ATG14: variants seen among roughly 807,000 people sequenced by gnomAD.
ATG14 encodes autophagy related 14.
In ATG14, 35 loss-of-function variants were observed where a neutral mutation model predicts 60.4. That is an observed-to-expected ratio of 0.58 (90% CI 0.44 to 0.77). The LOEUF (loss-of-function observed/expected upper bound fraction) is 0.77, where lower values mean the gene tolerates loss of function less well. Ranked by LOEUF, ATG14 falls within the 30% of genes least tolerant of loss-of-function variation. The probability of loss-of-function intolerance (pLI) is 0.00; values close to 1 mark genes in which losing one functional copy is unlikely to be tolerated. For missense variants in ATG14, 647 were observed against 626.3 expected (o/e 1.03, Z -0.35); for synonymous variants, 234 against 228.8 (o/e 1.02, Z -0.21).
chr14:55,381,023 G>A (rs1885025427), intron 6 of ATG14, among the ~76,000 whole-genome samples: 1 of 151,796 alleles, frequency 6.6e-6, no homozygotes, highest in Non-Finnish European at 1.5e-5. Flanking sequence ...CACCTCTCCA[G>A]AGAGGGCTCT....
At chr14:55,406,074 T>G (rs1885486044) in intron 1 of ATG14, among the ~76,000 whole-genome samples, 1 of 152,166 alleles carries the variant, frequency 6.6e-6, no homozygotes, top group Non-Finnish European at 1.5e-5. Flanking sequence ...TCTGCCAAAC[T>G]CATATTGTCC....
At chr14:55,405,890 G>C (rs755331400) in intron 1 of ATG14, among the ~76,000 whole-genome samples, 11 of 140,442 alleles carry the variant, frequency 7.8e-5, no homozygotes, top group Non-Finnish European at 1.6e-4. Context: ...GTGGGGTGGC[G>C]GGGGGGGCAG....
intron 1 of ATG14, among the ~76,000 whole-genome samples, chr14:55,411,035 C>A (rs1378419969): frequency 6.6e-6 from 1 of 152,160 alleles, no homozygotes; most frequent in African/African-American, 2.4e-5. Context: ...TTCCCAAATT[C>A]CTAAGAATCT....
At chr14:55,370,506 AAAC>A (rs1484986374) in intron 9 of ATG14, among the ~76,000 whole-genome samples, 1 of 152,204 alleles carries the variant, frequency 6.6e-6, no homozygotes, top group Non-Finnish European at 1.5e-5. Flanking sequence ...TTTCAGGAGA[AAAC>A]AATTTTTATT....
In ATG14 at chr14:55,379,487, A is replaced by G. The variant is rs187962396; in HGVS notation, c.995+1086T>C. Among the ~76,000 whole-genome samples, 148 of 152,258 alleles carry G rather than the reference A, an allele frequency of 9.7e-4. 4 individuals are homozygous for G. In the East Asian group the frequency reaches 0.02, roughly 20 times the overall value. ...GGCCTGGGGAGGGACGGAGGTTGCA[A>G]TGAGCTAAAATCGTGCCACTGCACT... On this transcript the variant is annotated intron_variant, in intron 7 of 9. Transcript: ENST00000247178.
intron 1 of ATG14, among the ~76,000 whole-genome samples, chr14:55,401,545 A>T (rs1483657814): frequency 6.6e-6 from 1 of 152,138 alleles, no homozygotes; most frequent in Non-Finnish European, 1.5e-5. Context: ...TTATTCACTA[A>T]ATTATTCCAT....
chr14:55,370,107 T>C (rs1884781216), intron 9 of ATG14, among the ~76,000 whole-genome samples, 182 bp from the exon 10 acceptor site: 1 of 152,104 alleles, frequency 6.6e-6, no homozygotes. Context: ...CCAAATAATC[T>C]CCACCCAAGT....
chr14:55,383,078 C>T (rs1594778850), intron 5 of ATG14, among the ~76,000 whole-genome samples: 1 of 152,152 alleles, frequency 6.6e-6, no homozygotes, highest in Admixed American at 6.5e-5. Context: ...GCTAGTTCAG[C>T]GTGCAGCTCA....
chr14:55,393,350 A>C (rs1413375456), intron 3 of ATG14, among the ~76,000 whole-genome samples: 2 of 151,908 alleles, frequency 1.3e-5, no homozygotes, highest in African/African-American at 4.8e-5. Context: ...GCGCCACTGC[A>C]CTCCAGCCTG....
At chr14:55,408,363 G>C (rs889217641) in intron 1 of ATG14, among the ~76,000 whole-genome samples, 4 of 152,188 alleles carry the variant, frequency 2.6e-5, no homozygotes, top group Admixed American at 2.6e-4. Context: ...ACTGAGACAG[G>C]AGAATCGCTT....
At position 55,369,653 on chromosome 14, in the gene ATG14, G is replaced by T. The variant is rs1342278940; in HGVS notation, c.1445C>A (p.Thr482Asn). ...GMISSAAASVTSWFKAYTGHR is the reference protein window; with the variant it reads ...GMISSAAASVNSWFKAYTGHR The stretch of plus-strand genomic sequence containing the variant: ...TCCAGTGTAAGCTTTAAACCAGGAG[G>T]TCACCGAGGCTGCTGCAGAGGAGAT... The change falls in exon 10 of 10, where the codon ACC (threonine) becomes AAC (asparagine). Residue 482 changes from threonine (T) to asparagine (N), a missense_variant. Coordinates refer to ENST00000247178, the MANE Select transcript of ATG14 (RefSeq NM_014924.5). 4 of 1,546,066 alleles carry T rather than the reference G, an allele frequency of 2.6e-6. No individual in the cohort carries two copies. Among genetic ancestry groups the T allele is most frequent in the Non-Finnish European group, 3.5e-6 (4 of 1,144,016 alleles).
chr14:55,371,219 C>G (rs1884809773), intron 9 of ATG14, among the ~76,000 whole-genome samples: 2 of 152,164 alleles, frequency 1.3e-5, no homozygotes, highest in South Asian at 4.1e-4. Context: ...AAATGAGAGC[C>G]TAGAATCGTA....
At chr14:55,379,258 G>A (rs1358060959) in intron 7 of ATG14, among the ~76,000 whole-genome samples, 1 of 152,106 alleles carries the variant, frequency 6.6e-6, no homozygotes, top group East Asian at 1.9e-4. Context: ...GATGATGGCC[G>A]GGTGCAGTGG....
chr14:55,410,775 A>G (rs1885558443), intron 1 of ATG14, among the ~76,000 whole-genome samples: 1 of 152,244 alleles, frequency 6.6e-6, no homozygotes, highest in Non-Finnish European at 1.5e-5. Flanking sequence ...GAATGAATTA[A>G]TACCTGAATT....
chr14:55,369,513 C>T lies in ATG14; in HGVS notation c.*106G>A, dbSNP rs1884762117. On this transcript the variant is annotated 3_prime_UTR_variant, in exon 10 of 10. Transcript: ENST00000247178. Reference sequence around the variant, plus strand: ...AGACAAAACAAAACAACACTTTAACCTCTTTGTTCCAGACACTATCTTAAC... The same window carrying T: ...AGACAAAACAAAACAACACTTTAACTTCTTTGTTCCAGACACTATCTTAAC... The T allele has an allele frequency of 1.8e-6, 2 of 1,125,120 alleles. No homozygotes were observed. The highest frequency in any genetic ancestry group is 1.5e-5 in the African/African-American group (1 of 64,762). The allele number at this position is 1,125,120 out of a possible 1,614,324, so 69.7% of individuals were successfully genotyped here. A position where few individuals can be genotyped will look rare whatever the true frequency, so the allele number is the denominator to read the frequency against.
chr14:55,370,744 G>A (rs1594774830), intron 9 of ATG14, among the ~76,000 whole-genome samples: 2 of 151,370 alleles, frequency 1.3e-5, no homozygotes, highest in East Asian at 3.9e-4. Context: ...AGGTGCAAGC[G>A]ATTCTCCTGC....
At chr14:55,409,902 G>A (rs548065917) in intron 1 of ATG14, among the ~76,000 whole-genome samples, 2 of 152,330 alleles carry the variant, frequency 1.3e-5, no homozygotes, top group Admixed American at 1.3e-4. Flanking sequence ...AGAGACATAA[G>A]AGGAAATAAG....
intron 4 of ATG14, among the ~76,000 whole-genome samples, chr14:55,389,815 G>A (rs1471091142): frequency 2.0e-5 from 3 of 152,198 alleles, no homozygotes; most frequent in Non-Finnish European, 2.9e-5. Flanking sequence ...GATTAGAAAC[G>A]AGTATTCTTG....
intron 3 of ATG14, among the ~76,000 whole-genome samples, chr14:55,394,515 T>C (rs529703352): frequency 7.2e-5 from 11 of 152,304 alleles, no homozygotes; most frequent in African/African-American, 2.6e-4. Context: ...TCTTCACACA[T>C]TGATAAGCTG....
Sources: allele counts gnomAD v4.1 joint callset (sites outside exome capture counted in the v4.1 genomes callset), GRCh38; gene constraint gnomAD v4.1.1; transcripts MANE v1.5; gene names NCBI Gene and HGNC (gene_info 2026-07-23, HGNC 2026-07-21).